The following FGF12 variants were observed in gnomAD, a reference collection of about 807,000 sequenced individuals.
FGF12 encodes the protein fibroblast growth factor 12.
In FGF12, 14 loss-of-function variants were observed where a neutral mutation model predicts 23.6. That is an observed-to-expected ratio of 0.59 (90% confidence interval 0.39 to 0.93). The LOEUF (loss-of-function observed/expected upper bound fraction) is 0.93. Among genes scored for constraint, FGF12 ranks in the 40% least tolerant of loss-of-function variants. FGF12 has a pLI of 0.00. For missense variants in FGF12, 175 were observed against 217.8 expected (o/e 0.80, Z 1.24); for synonymous variants, 62 against 77.3 (o/e 0.80, Z 1.04).
chr3:192,330,401 T>C (rs955184873), intron 4 of FGF12, among the ~76,000 whole-genome samples: 2 of 152,082 alleles, frequency 1.3e-5, no homozygotes, highest in African/African-American at 4.8e-5. Flanking sequence ...TGGAACACAA[T>C]AGAGAGGCCC....
intron 2 of FGF12, among the ~76,000 whole-genome samples, chr3:192,390,020 A>G (rs1295046700): frequency 6.6e-6 from 1 of 152,228 alleles, no homozygotes; most frequent in Non-Finnish European, 1.5e-5. Flanking sequence ...TAGTTCACTT[A>G]GTTTATGAAA....
At chr3:192,152,162 T>C (rs1466411303) in intron 5 of FGF12, among the ~76,000 whole-genome samples, 97 of 97,548 alleles carry the variant, frequency 9.9e-4, no homozygotes, top group East Asian at 6.8e-3. Flanking sequence ...TCGGTGGTGA[T>C]ATCCCCTTTA....
At chr3:192,520,995 C>G (rs1724799507) in intron 2 of FGF12, among the ~76,000 whole-genome samples, 2 of 152,346 alleles carry the variant, frequency 1.3e-5, no homozygotes, top group South Asian at 2.1e-4. Context: ...GAAATACACT[C>G]TGTGTGCCTC....
chr3:192,585,802 A>C (rs2108617764), intron 2 of FGF12, among the ~76,000 whole-genome samples: 1 of 152,270 alleles, frequency 6.6e-6, no homozygotes, highest in South Asian at 2.1e-4. Flanking sequence ...TATTTATAGC[A>C]ATGTAATATT....
intron 4 of FGF12, among the ~76,000 whole-genome samples, chr3:192,329,019 T>A (rs1177192716): frequency 6.6e-6 from 1 of 152,218 alleles, no homozygotes; most frequent in Non-Finnish European, 1.5e-5. Context: ...GTATGAAATT[T>A]GTTCCGTCTA....
At chr3:192,343,545 TTTAC>T (rs1560078159) in intron 3 of FGF12, among the ~76,000 whole-genome samples, 1 of 152,168 alleles carries the variant, frequency 6.6e-6, no homozygotes, top group Non-Finnish European at 1.5e-5. Context: ...TTATTTATAA[TTTAC>T]TTAAGTCAAT....
chr3:192,669,219 G>A (rs899240982), intron 2 of FGF12, among the ~76,000 whole-genome samples: 22 of 152,090 alleles, frequency 1.4e-4, no homozygotes, highest in African/African-American at 5.3e-4. Context: ...TGAAAAAATA[G>A]AAGAGATGTT....
intron 2 of FGF12, among the ~76,000 whole-genome samples, chr3:192,487,250 T>G (rs948411279): frequency 6.6e-6 from 1 of 152,138 alleles, no homozygotes; most frequent in Non-Finnish European, 1.5e-5. Flanking sequence ...GCAACCATAG[T>G]AACTAATAAC....
chr3:192,690,758 T>C (rs78286932), intron 2 of FGF12, among the ~76,000 whole-genome samples: 6,172 of 151,646 alleles, frequency 0.041, 438 homozygotes, highest in African/African-American at 0.14. Flanking sequence ...AGACATAGAG[T>C]GGATAAATTA....
chr3:192,473,055 T>G (rs1723217527), intron 2 of FGF12, among the ~76,000 whole-genome samples: 1 of 152,186 alleles, frequency 6.6e-6, no homozygotes, highest in Non-Finnish European at 1.5e-5. Flanking sequence ...CTTCTACAAT[T>G]GACATGTTTT....
At chr3:192,217,577 C>T (rs1718255144) in intron 4 of FGF12, among the ~76,000 whole-genome samples, 1 of 152,146 alleles carries the variant, frequency 6.6e-6, no homozygotes, top group Admixed American at 6.5e-5. Flanking sequence ...GCTGCCAAGT[C>T]TCTTTGCCAT....
At chr3:192,330,443 A>G (rs1398632078) in intron 4 of FGF12, among the ~76,000 whole-genome samples, 1 of 152,210 alleles carries the variant, frequency 6.6e-6, no homozygotes, top group Non-Finnish European at 1.5e-5. Flanking sequence ...TGGTCAAATC[A>G]TCTTCAACAA....
At chr3:192,612,499 A>G (rs1029979961) in intron 2 of FGF12, among the ~76,000 whole-genome samples, 7 of 151,952 alleles carry the variant, frequency 4.6e-5, no homozygotes, top group Admixed American at 2.6e-4. Flanking sequence ...AAATAGACAA[A>G]TGGCTACTAA....
intron 4 of FGF12, among the ~76,000 whole-genome samples, chr3:192,260,089 C>T (rs547174627): frequency 1.9e-4 from 29 of 152,218 alleles, no homozygotes; most frequent in Non-Finnish European, 3.7e-4. Context: ...AGCATCTCTA[C>T]GATAATATCA....
intron 4 of FGF12, among the ~76,000 whole-genome samples, chr3:192,290,373 C>T (rs959889657): frequency 1.3e-5 from 2 of 152,074 alleles, no homozygotes; most frequent in African/African-American, 2.4e-5. Context: ...GCCTACTGAT[C>T]GTATCCCTAT....
intron 2 of FGF12, among the ~76,000 whole-genome samples, chr3:192,446,222 C>A (rs1722350311): frequency 6.6e-6 from 1 of 152,172 alleles, no homozygotes; most frequent in Non-Finnish European, 1.5e-5. Flanking sequence ...TATAGTTTTA[C>A]CCTTTTAGCA....
chr3:192,540,579 T>C (rs1275032740), intron 2 of FGF12, among the ~76,000 whole-genome samples: 1 of 152,202 alleles, frequency 6.6e-6, no homozygotes, highest in African/African-American at 2.4e-5. Flanking sequence ...TCCTTGAGAA[T>C]GATCCATGTA....
intron 2 of FGF12, among the ~76,000 whole-genome samples, chr3:192,715,008 A>T (rs1718823366): frequency 6.6e-6 from 1 of 152,214 alleles, no homozygotes; most frequent in South Asian, 2.1e-4. Context: ...CAAAAATCAG[A>T]GTGAAATACT....
chr3:192,574,035 T>C (rs1016214164), intron 2 of FGF12, among the ~76,000 whole-genome samples: 1 of 152,238 alleles, frequency 6.6e-6, no homozygotes, highest in Non-Finnish European at 1.5e-5. Context: ...GGGAGTGAAG[T>C]ATAGTGTCTT....
Sources: gnomAD v4.1 joint callset for allele counts (sites outside exome capture counted in the v4.1 genomes callset) on GRCh38, gnomAD v4.1.1 for gene constraint, MANE v1.5 for transcripts, NCBI Gene and HGNC (gene_info 2026-07-23, HGNC 2026-07-21) for gene names.